The following FAM228A variants were observed in gnomAD, a reference collection of about 807,000 sequenced individuals.
The protein encoded by FAM228A is family with sequence similarity 228 member A.
Under a neutral mutation model 18.6 loss-of-function variants are expected in FAM228A, and 13 were observed. The ratio of observed to expected loss-of-function variants is 0.70; its 90% CI spans 0.45 to 1.11. The LOEUF is 1.11. FAM228A is among the 50% of genes least tolerant of loss of function. The pLI is 0.00. For synonymous variants in FAM228A, 77 were observed against 86.6 expected, an observed-to-expected ratio of 0.89 and a Z score of 0.61; for missense variants, 240 against 242.2, an observed-to-expected ratio of 0.99 and a Z score of 0.06.
At chr2:24,183,945 T>C (rs538917452) in intron 5 of FAM228A, among the ~76,000 whole-genome samples, 1 of 152,302 alleles carries the variant, frequency 6.6e-6, no homozygotes, top group South Asian at 2.1e-4. Flanking sequence ...TTCACCTCCT[T>C]GCTCTCCCTG....
chr2:24,176,095 A>G (rs1667683628), intron 2 of FAM228A: 2 of 985,430 alleles, frequency 2.0e-6, no homozygotes, highest in Non-Finnish European at 2.4e-6. Context: ...TCCTGGCAAA[A>G]TCACAAAGAA....
chr2:24,190,800 A>G lies in FAM228A; in HGVS notation c.*169A>G. The G allele has an allele frequency of 1.5e-6, 2 of 1,315,584 alleles. No individual in the cohort carries two copies. Among genetic ancestry groups the G allele is most frequent in the Non-Finnish European group, 1.9e-6 (2 of 1,028,960 alleles). 81.5% of individuals were successfully genotyped at this position (1,315,584 alleles called of 1,614,324 possible). ...GGAAGCCTTGCATGAAGAAACTCAG[A>G]CAAGTGGTAAATGTGGGACCTGGAC... On this transcript the variant is annotated 3_prime_UTR_variant, in exon 6 of 6. Coordinates refer to ENST00000295150, the MANE Select transcript of FAM228A (RefSeq NM_001040710.3).
chr2:24,183,919 CT>C (rs1042649476), intron 5 of FAM228A, among the ~76,000 whole-genome samples: 33 of 152,306 alleles, frequency 2.2e-4, no homozygotes, highest in African/African-American at 7.9e-4. Flanking sequence ...CCAGAGCTCC[CT>C]TCACTTTATA....
intron 5 of FAM228A, chr2:24,188,727 C>T (rs1668012890): frequency 4.6e-6 from 4 of 860,684 alleles, no homozygotes; most frequent in South Asian, 1.1e-4. Flanking sequence ...AAGGCTCTCG[C>T]CTCTCTGGAA....
intron 3 of FAM228A, among the ~76,000 whole-genome samples, chr2:24,178,159 A>G (rs927282706): frequency 6.6e-6 from 1 of 152,276 alleles, no homozygotes; most frequent in East Asian, 1.9e-4. Context: ...ATTCTTTCCT[A>G]CTCACACTTG....
chr2:24,189,848 G>A (rs572495868), intron 5 of FAM228A, among the ~76,000 whole-genome samples: 14 of 152,202 alleles, frequency 9.2e-5, no homozygotes, highest in African/African-American at 2.4e-4. Context: ...GAGGGGGCTC[G>A]ATATGTTAGA....
chr2:24,175,298 A>G, intron 1 of FAM228A, 124 bp downstream of exon 1: 1 of 602,796 alleles, frequency 1.7e-6, no homozygotes, highest in Non-Finnish European at 2.9e-6. Flanking sequence ...GGGAGTGGGT[A>G]GCCGGGCCTG....
intron 3 of FAM228A, chr2:24,179,166 T>A (rs752754615): frequency 8.5e-7 from 1 of 1,177,018 alleles, no homozygotes; most frequent in South Asian, 1.7e-5. Context: ...AGAAAAGAGA[T>A]GTTACATAAA....
Position 24,175,543 on chromosome 2 carries a change from G to T in FAM228A, c.63G>T (p.Trp21Cys). 1.2e-6 allele frequency: 2 copies of T among 1,614,156 alleles called. No homozygotes were observed. The highest frequency in any genetic ancestry group is 1.7e-6 in the Non-Finnish European group (2 of 1,179,956). The change falls in exon 2 of 6, where the codon TGG becomes TGT. Residue 21 changes from tryptophan to cysteine, a missense_variant. By Grantham distance (215) the Trp-to-Cys change is radical. Transcript: ENST00000295150. ...EHFRPEKLRE[W>C]PEPESVSLME... Reference sequence around the variant, plus strand: ...TCAGGCCAGAAAAGTTAAGAGAATGGCCGGAGCCCGAGTCCGTTTCTTTAA... The same window carrying T: ...TCAGGCCAGAAAAGTTAAGAGAATGTCCGGAGCCCGAGTCCGTTTCTTTAA...
chr2:24,190,620 G>T lies in FAM228A; in HGVS notation c.610G>T (p.Val204Phe). ...CAGCACCCACGAGCAGCACATACTG[G>T]TTCCAGAATGAGCCACCGCCACAGC... Reference protein sequence around the residue: ...LCSTHEQHILVPE With the variant: ...LCSTHEQHILFPE The change falls in exon 6 of 6, where the codon GTT becomes TTT. Residue 204 changes from valine (V) to phenylalanine (F), a missense_variant. By Grantham distance (50) the Val-to-Phe change is conservative. Coordinates refer to ENST00000295150, the MANE Select transcript of FAM228A (RefSeq NM_001040710.3). The T allele has an allele frequency of 6.5e-7, 1 of 1,547,384 alleles. No homozygotes were observed. The highest frequency in any genetic ancestry group is 8.7e-7 in the Non-Finnish European group (1 of 1,148,828).
intron 3 of FAM228A, chr2:24,179,055 T>C (rs929261057): frequency 1.7e-5 from 13 of 756,152 alleles, no homozygotes; most frequent in Middle Eastern, 5.2e-4. Context: ...ACTCGAATGA[T>C]AGTAAATGAA....
intron 2 of FAM228A, 167 bp downstream of exon 2, chr2:24,175,740 A>G: frequency 1.3e-6 from 1 of 756,222 alleles, no homozygotes; most frequent in Non-Finnish European, 2.1e-6. Flanking sequence ...GAGTGTGGCC[A>G]AGAGTGTTTC....
At chr2:24,189,098 A>G (rs962881144) in intron 5 of FAM228A, among the ~76,000 whole-genome samples, 9 of 152,090 alleles carry the variant, frequency 5.9e-5, no homozygotes, top group African/African-American at 1.4e-4. Flanking sequence ...TGTTGGCGTC[A>G]TCTCCCCTCT....
intron 3 of FAM228A, among the ~76,000 whole-genome samples, chr2:24,180,847 C>G (rs1373762756): frequency 6.6e-6 from 1 of 152,078 alleles, no homozygotes; most frequent in Non-Finnish European, 1.5e-5. Flanking sequence ...AGTTGCAAAA[C>G]CTTTAGAAAA....
chr2:24,185,531 T>C (rs1667927053), intron 5 of FAM228A, among the ~76,000 whole-genome samples: 1 of 152,218 alleles, frequency 6.6e-6, no homozygotes, highest in Admixed American at 6.5e-5. Context: ...TGGGATTGCA[T>C]TGAATCTGTA....
At position 24,183,612 on chromosome 2, in the gene FAM228A, C is replaced by G. The variant is rs545153855; in HGVS notation, c.368C>G (p.Ser123Cys). ...ATTCCAAAAGAGTGGCATAAAGCCT[C>G]TGCAAGAGCCAGGAGTAAAACTTAC... ...CVIPKEWHKASARARSKTYKY... is the reference protein window; with the variant it reads ...CVIPKEWHKACARARSKTYKY... The change falls in exon 5 of 6, where the codon TCT (serine) becomes TGT (cysteine). Residue 123 changes from serine to cysteine, a missense_variant. By Grantham distance (112) the Ser-to-Cys change is moderately radical. Transcript: ENST00000295150. The G allele has an allele frequency of 6.2e-7, 1 of 1,610,670 alleles. No homozygotes were observed. Among genetic ancestry groups the G allele is most frequent in the Non-Finnish European group, 8.5e-7 (1 of 1,178,730 alleles).
intron 5 of FAM228A, among the ~76,000 whole-genome samples, chr2:24,187,034 A>G (rs56006260): frequency 0.17 from 26,342 of 152,032 alleles, 2,893 homozygotes; most frequent in Non-Finnish European, 0.25. Flanking sequence ...CTATGTACCT[A>G]TCACCCAGGT....
chr2:24,188,739 T>G (rs1668013199), intron 5 of FAM228A: 1 of 796,438 alleles, frequency 1.3e-6, no homozygotes, highest in Non-Finnish European at 1.5e-6. Context: ...TCTCTGGAAT[T>G]CTTTTTAAAG....
At chr2:24,186,414 G>C (rs1179711634) in intron 5 of FAM228A, among the ~76,000 whole-genome samples, 2 of 152,168 alleles carry the variant, frequency 1.3e-5, no homozygotes, top group African/African-American at 2.4e-5. Context: ...CAAAGTTGAA[G>C]TGGTGAAAAT....
Sources: gnomAD v4.1 joint callset for allele counts (sites outside exome capture counted in the v4.1 genomes callset) on GRCh38, gnomAD v4.1.1 for gene constraint, MANE v1.5 for transcripts, NCBI Gene and HGNC (gene_info 2026-07-23, HGNC 2026-07-21) for gene names.